PIKFYVE: variants seen among roughly 807,000 people sequenced by gnomAD.
PIKFYVE encodes 1-phosphatidylinositol 3-phosphate 5-kinase.
In PIKFYVE, 122 loss-of-function variants were observed where a neutral mutation model predicts 257.9. That is an observed-to-expected ratio of 0.47 (90% CI 0.41 to 0.55). PIKFYVE has a LOEUF of 0.55. Among genes scored for constraint, PIKFYVE ranks in the 20% least tolerant of loss-of-function variants. The pLI is 0.00. For synonymous variants in PIKFYVE, 892 were observed against 868.9 expected, an observed-to-expected ratio of 1.03 and a Z score of -0.47; for missense variants, 2,160 against 2,536.6, an observed-to-expected ratio of 0.85 and a Z score of 3.19.
At chr2:208,338,479 A>C in intron 28 of PIKFYVE, 29 bp from the exon 29 acceptor site, 1 of 1,604,848 alleles carries the variant, frequency 6.2e-7, no homozygotes, top group Non-Finnish European at 8.5e-7. Flanking sequence ...CATGTTTTCC[A>C]TAAGAACAAA....
At chr2:208,267,209 G>A (rs1227000716) in intron 1 of PIKFYVE, among the ~76,000 whole-genome samples, 3 of 149,600 alleles carry the variant, frequency 2.0e-5, no homozygotes, top group Non-Finnish European at 4.4e-5. Context: ...GTAGTCGCTT[G>A]GTATAATGTA....
Position 208,333,480 on chromosome 2 carries a change from G to A in PIKFYVE, c.4129G>A (p.Val1377Met). The change falls in exon 24 of 42, where the codon GTG (valine) becomes ATG (methionine). Residue 1377 changes from valine to methionine, a missense_variant. Physicochemically the swap from Val to Met is conservative, Grantham distance 21. Transcript: ENST00000264380. Reference sequence around the variant, plus strand: ...CCAGTATTTCTCCTATAACCAGATGGTGGCGTCTTTCAGGTAAGAAATCCT... The same window carrying A: ...CCAGTATTTCTCCTATAACCAGATGATGGCGTCTTTCAGGTAAGAAATCCT... ...YHQYFSYNQM[V>M]ASFSYSPIRL... 1.2e-6 allele frequency: 2 copies of A among 1,613,780 alleles called. No individual in the cohort carries two copies. Among genetic ancestry groups the A allele is most frequent in the Non-Finnish European group, 1.7e-6 (2 of 1,179,878 alleles).
intron 7 of PIKFYVE, among the ~76,000 whole-genome samples, chr2:208,292,359 C>T (rs1187040246): frequency 6.6e-6 from 1 of 152,086 alleles, no homozygotes; most frequent in Non-Finnish European, 1.5e-5. Context: ...TTGATTTTCT[C>T]TCTGCTGGAT....
rs758597637 is a variant in PIKFYVE at position 208,342,597 on chromosome 2, C to T, written c.4975C>T (p.Pro1659Ser). ...CTTAATGTATGAACATGAACGAGTGCCCATTGCAGTCTGCGAGAAGGAACC... is the reference window on the plus strand; with the variant it reads ...CTTAATGTATGAACATGAACGAGTGTCCATTGCAGTCTGCGAGAAGGAACC... ...HYLMYEHERV[P>S]IAVCEKEPSS... The change falls in exon 32 of 42, where the codon CCC becomes TCC. Residue 1659 changes from proline (P) to serine (S), a missense_variant. This residue lies in a region of PIKFYVE where 699 missense variants were observed against 855.8 expected (regional missense o/e 0.82). Coordinates refer to ENST00000264380, the MANE Select transcript of PIKFYVE (RefSeq NM_015040.4). 1.2e-6 allele frequency: 2 copies of T among 1,613,910 alleles called. No individual in the cohort carries two copies. Among genetic ancestry groups the T allele is most frequent in the South Asian group, 1.1e-5 (1 of 91,080 alleles).
chr2:208,325,755 C>T lies in PIKFYVE; in HGVS notation c.2944C>T (p.Leu982Phe). 1 of 1,613,596 alleles carries T rather than the reference C, an allele frequency of 6.2e-7. No homozygotes were observed. The highest frequency in any genetic ancestry group is 8.5e-7 in the Non-Finnish European group (1 of 1,179,592). The change falls in exon 20 of 42, where the codon CTC becomes TTC. Residue 982 changes from leucine to phenylalanine, a missense_variant. Leu to Phe is a conservative substitution (Grantham distance 22). Coordinates refer to ENST00000264380, the MANE Select transcript of PIKFYVE (RefSeq NM_015040.4). ...ACCTGTACCGGAATCATTGTTGCCA[C>T]TCCCTGTGGATGACCAACAAGATGC... ...FAPVPESLLP[L>F]PVDDQQDALG...
chr2:208,342,468 C>A, intron 31 of PIKFYVE, 86 bp from the exon 32 acceptor site: 2 of 955,342 alleles, frequency 2.1e-6, no homozygotes, highest in Non-Finnish European at 3.3e-6. Flanking sequence ...TTCAGGTTAT[C>A]ATATCTGCAT....
Position 208,325,454 on chromosome 2 carries a change from C to T in PIKFYVE, c.2643C>T (p.Pro881=). The change falls in exon 20 of 42, where the codon CCC becomes CCT. Residue 881 remains proline (P), a synonymous_variant. Coordinates refer to ENST00000264380, the MANE Select transcript of PIKFYVE (RefSeq NM_015040.4). Reference sequence around the variant, plus strand: ...TCATGGATGAATTTGCTATGCCTCCCACATTAATGCAAAACCCTTCATTCC... The same window carrying T: ...TCATGGATGAATTTGCTATGCCTCCTACATTAATGCAAAACCCTTCATTCC... ...SFLMDEFAMP[P]TLMQNPSFHS... The T allele has an allele frequency of 6.2e-7, 1 of 1,614,140 alleles. No homozygotes were observed. The highest frequency in any genetic ancestry group is 1.1e-5 in the South Asian group (1 of 91,082).
intron 5 of PIKFYVE, among the ~76,000 whole-genome samples, chr2:208,285,198 C>T (rs891794197): frequency 2.0e-5 from 3 of 152,150 alleles, no homozygotes; most frequent in Admixed American, 6.5e-5. Context: ...CGGGTTCAAG[C>T]AATTCTCCTG....
At chr2:208,340,591 G>A (rs184997007) in intron 31 of PIKFYVE, among the ~76,000 whole-genome samples, 2 of 152,092 alleles carry the variant, frequency 1.3e-5, no homozygotes, top group East Asian at 3.8e-4. Context: ...AATATAGGCT[G>A]GCTGTGAAAG....
At chr2:208,336,817 A>ATG (rs1698186093) in intron 27 of PIKFYVE, 21 bp from the exon 28 acceptor site, 2 of 1,522,554 alleles carry the variant, frequency 1.3e-6, no homozygotes, top group Non-Finnish European at 1.8e-6. Flanking sequence ...ATATATATAT[A>ATG]TTTTTTGCTT....
In PIKFYVE at chr2:208,304,129, C is replaced by T. The variant is rs893256; in HGVS notation, c.1321-42C>T. The stretch of plus-strand genomic sequence containing the variant: ...AGTGTGACAGCCTCAACATTGTTGC[C>T]ATTGAAGGCCAATTGCTTGGATCCT... On this transcript the variant is annotated intron_variant, in intron 10 of 41. Transcript: ENST00000264380. 1,558,815 of 1,604,218 alleles carry T rather than the reference C, an allele frequency of 0.97. 758,852 individuals are homozygous for T. Among genetic ancestry groups the T allele is most frequent in the Non-Finnish European group, 0.98 (1,152,532 of 1,171,426 alleles).
At chr2:208,303,773 G>A (rs543124909) in intron 10 of PIKFYVE, among the ~76,000 whole-genome samples, 3 of 152,328 alleles carry the variant, frequency 2.0e-5, no homozygotes, top group African/African-American at 4.8e-5. Context: ...GGTTAGAAGA[G>A]ACAAATGACT....
chr2:208,354,731 G>A, intron 41 of PIKFYVE, 86 bp downstream of exon 41: 1 of 1,077,186 alleles, frequency 9.3e-7, no homozygotes. Context: ...CTTTTTTTTA[G>A]TTGTAAAAAA....
chr2:208,326,493 C>G, intron 20 of PIKFYVE, 64 bp downstream of exon 20: 1 of 1,540,410 alleles, frequency 6.5e-7, no homozygotes, highest in Non-Finnish European at 9.0e-7. Context: ...TCCTCAAAGG[C>G]AGGCTAAAAA....
rs749120581 is a variant in PIKFYVE, at chr2:208,325,970, C to T, written c.3159C>T (p.Ile1053=). ...LAFKQELKDV[I]LCISPVITFR... Reference sequence around the variant, plus strand: ...TTAAGCAGGAATTAAAAGATGTGATCCTCTGTATCTCCCCAGTAATCACAT... The same window carrying T: ...TTAAGCAGGAATTAAAAGATGTGATTCTCTGTATCTCCCCAGTAATCACAT... Residue 1053 remains isoleucine, a synonymous_variant, in exon 20 of 42, where the codon ATC becomes ATT. Transcript: ENST00000264380. 2 of 1,613,882 alleles carry T rather than the reference C, an allele frequency of 1.2e-6. No homozygotes were observed.
At chr2:208,281,881 A>G (rs1690856691) in intron 5 of PIKFYVE, among the ~76,000 whole-genome samples, 1 of 152,214 alleles carries the variant, frequency 6.6e-6, no homozygotes, top group Non-Finnish European at 1.5e-5. Flanking sequence ...TTGCAGGATG[A>G]GAGTGTTGTT....
rs1405556042 is a variant in PIKFYVE at position 208,355,529 on chromosome 2, T to A, written c.*224T>A. 2.1e-6 allele frequency: 1 copy of A among 471,520 alleles called. No individual in the cohort carries two copies. Among genetic ancestry groups the A allele is most frequent in the Non-Finnish European group, 3.8e-6 (1 of 261,506 alleles). 29.2% of individuals were successfully genotyped at this position (471,520 alleles called of 1,614,324 possible). ...GCTGTCTGTAGGTTGGGAAGTGGCA[T>A]GAAAATTTTCTTAAGCTAAAATACA... is the stretch of plus-strand genomic sequence containing the variant. On this transcript the variant is annotated 3_prime_UTR_variant, in exon 42 of 42. Transcript: ENST00000264380.
Position 208,339,571 on chromosome 2 carries a change from C to G in PIKFYVE, c.4810+16C>G. 6.2e-7 allele frequency: 1 copy of G among 1,613,784 alleles called. No homozygotes were observed. On this transcript the variant is annotated intron_variant, in intron 30 of 41. Transcript: ENST00000264380. ...AGTTCCGAAGGTAGAGGTTAAGTCACTTTTACCATATTTCATTGTATCTAA... is the reference window on the plus strand; with the variant it reads ...AGTTCCGAAGGTAGAGGTTAAGTCAGTTTTACCATATTTCATTGTATCTAA...
chr2:208,354,735 T>TA, intron 41 of PIKFYVE, 90 bp downstream of exon 41: 1 of 1,035,088 alleles, frequency 9.7e-7, no homozygotes, highest in Non-Finnish European at 1.5e-6. Context: ...TTTTTAGTTG[T>TA]AAAAAATAAG....
Sources: gnomAD v4.1 joint callset for allele counts (sites outside exome capture counted in the v4.1 genomes callset) on GRCh38, gnomAD v4.1.1 for gene constraint, gnomAD v4.1.1 regional missense constraint, MANE v1.5 for transcripts, NCBI Gene and HGNC (gene_info 2026-07-23, HGNC 2026-07-21) for gene names.